The following TMOD1 variants were observed in gnomAD, a reference collection of about 807,000 sequenced individuals.
TMOD1 encodes the protein tropomodulin 1.
In TMOD1, 17 loss-of-function variants were observed where a neutral mutation model predicts 40.6. That is an observed-to-expected ratio of 0.42 (90% CI 0.29 to 0.63). TMOD1 has a LOEUF of 0.63. TMOD1 is among the 20% of genes least tolerant of loss of function. The pLI, the probability that TMOD1 is intolerant of heterozygous loss-of-function variation, is 0.22. For missense variants in TMOD1, 391 were observed against 447.6 expected, an observed-to-expected ratio of 0.87 and a Z score of 1.14; for synonymous variants, 181 against 175.0, an observed-to-expected ratio of 1.03 and a Z score of -0.27.
Position 97,591,357 on chromosome 9 carries a change from C to T in TMOD1, c.937C>T (p.Leu313Phe). Residue 313 changes from leucine to phenylalanine, a missense_variant, in exon 9 of 10, where the codon CTC becomes TTC. By Grantham distance (22) the Leu-to-Phe change is conservative. Coordinates refer to ENST00000259365, the MANE Select transcript of TMOD1 (RefSeq NM_003275.4). ...CATGTTGGAAAAAAACGCAACACTT[C>T]TCAAATTCGGCTACCACTTTACCCA... ...VSMLEKNATLLKFGYHFTQQG... is the reference protein window; with the variant it reads ...VSMLEKNATLFKFGYHFTQQG... 1 of 1,614,174 alleles carries T rather than the reference C, an allele frequency of 6.2e-7. No individual in the cohort carries two copies. Among genetic ancestry groups the T allele is most frequent in the Admixed American group, 1.7e-5 (1 of 60,014 alleles).
rs1000867391 is a variant in TMOD1, at chr9:97,566,070, G to A, written c.726+115G>A. 1.4e-5 allele frequency: 12 copies of A among 845,340 alleles called. No individual in the cohort carries two copies. The African/African-American group carries it at 2.0e-4, about 14-fold the overall frequency. 52.4% of individuals were successfully genotyped at this position (845,340 alleles called of 1,614,324 possible). ...CTAACAAAGAGCTCTATGTGGTACA[G>A]TGGAAGGCATTGGACCAGGAGCCAT... On this transcript the variant is annotated intron_variant, in intron 7 of 9. Coordinates refer to ENST00000259365, the MANE Select transcript of TMOD1 (RefSeq NM_003275.4).
intron 9 of TMOD1, 65 bp from the exon 10 acceptor site, chr9:97,599,569 G>GCAA (rs1305734123): frequency 2.5e-6 from 4 of 1,606,098 alleles, no homozygotes; most frequent in African/African-American, 1.3e-5. Flanking sequence ...TGCTTTCTCA[G>GCAA]CAACAGTGCT....
intron 4 of TMOD1, among the ~76,000 whole-genome samples, chr9:97,559,844 T>C (rs1479053699): frequency 1.1e-5 from 1 of 90,894 alleles, no homozygotes; most frequent in African/African-American, 5.4e-5. Flanking sequence ...TCTATCTATC[T>C]ATCTATCTCC....
intron 8 of TMOD1, among the ~76,000 whole-genome samples, chr9:97,579,793 G>A (rs780743450): frequency 6.6e-6 from 1 of 152,182 alleles, no homozygotes; most frequent in Non-Finnish European, 1.5e-5. Context: ...CCAGGTGTAG[G>A]GAGGGACATC....
At chr9:97,546,081 C>T (rs937455787) in intron 2 of TMOD1, 104 bp from the exon 3 acceptor site, 10 of 1,360,558 alleles carry the variant, frequency 7.3e-6, no homozygotes, top group African/African-American at 2.9e-5. Flanking sequence ...CCCTTCTGTT[C>T]GATGATGAGT....
intron 1 of TMOD1, among the ~76,000 whole-genome samples, chr9:97,503,334 C>T (rs1829535838): frequency 6.6e-6 from 1 of 152,190 alleles, no homozygotes; most frequent in African/African-American, 2.4e-5. Flanking sequence ...TGGACTTTAC[C>T]TTGTCTGGAC....
intron 2 of TMOD1, among the ~76,000 whole-genome samples, chr9:97,528,557 T>G (rs1830050925): frequency 1.3e-5 from 2 of 152,222 alleles, no homozygotes; most frequent in African/African-American, 4.8e-5. Flanking sequence ...CAAGACAGTA[T>G]GTGAGCTTCG....
chr9:97,551,457 G>A (rs773634547), intron 3 of TMOD1, among the ~76,000 whole-genome samples: 65 of 152,084 alleles, frequency 4.3e-4, no homozygotes, highest in Non-Finnish European at 6.2e-4. Context: ...TTGTTGAAGC[G>A]ATTACTCTTT....
intron 8 of TMOD1, among the ~76,000 whole-genome samples, chr9:97,574,520 C>T (rs1047900522): frequency 5.3e-5 from 8 of 152,244 alleles, no homozygotes; most frequent in African/African-American, 1.9e-4. Flanking sequence ...TGCTCCACGG[C>T]GCCCAGTCCC....
intron 4 of TMOD1, among the ~76,000 whole-genome samples, chr9:97,559,227 C>G (rs927541884): frequency 6.6e-6 from 1 of 152,186 alleles, no homozygotes; most frequent in Non-Finnish European, 1.5e-5. Flanking sequence ...TGATCTGATT[C>G]ACCTGCTGCT....
chr9:97,505,733 AC>A (rs1186686863), intron 1 of TMOD1, among the ~76,000 whole-genome samples: 3 of 151,552 alleles, frequency 2.0e-5, no homozygotes, highest in Non-Finnish European at 4.4e-5. Context: ...CTTTCTCTTC[AC>A]CACCCCATTC....
intron 4 of TMOD1, among the ~76,000 whole-genome samples, chr9:97,556,318 G>A (rs935352189): frequency 3.9e-5 from 6 of 152,162 alleles, no homozygotes; most frequent in African/African-American, 7.2e-5. Context: ...GTGCTCTGCC[G>A]AGAGCTGACT....
chr9:97,528,540 T>C (rs1830050416), intron 2 of TMOD1, among the ~76,000 whole-genome samples: 2 of 152,218 alleles, frequency 1.3e-5, no homozygotes, highest in African/African-American at 4.8e-5. Context: ...CTCTGTTACC[T>C]GATTTGCAAG....
chr9:97,546,058 T>A (rs1463343810), intron 2 of TMOD1, 127 bp from the exon 3 acceptor site: 7 of 1,126,630 alleles, frequency 6.2e-6, no homozygotes, highest in Non-Finnish European at 2.4e-6. Context: ...ATGGATTCCA[T>A]GAGCTCTGAG....
At chr9:97,544,485 G>A (rs1030260180) in intron 2 of TMOD1, among the ~76,000 whole-genome samples, 139 of 150,666 alleles carry the variant, frequency 9.2e-4, no homozygotes, top group African/African-American at 3.2e-3. Flanking sequence ...GCATTGAGCC[G>A]AGATCACACC....
At chr9:97,543,352 G>A (rs1198572605) in intron 2 of TMOD1, among the ~76,000 whole-genome samples, 3 of 152,188 alleles carry the variant, frequency 2.0e-5, no homozygotes, top group Non-Finnish European at 2.9e-5. Context: ...TACATTCCCT[G>A]TTAAACATAC....
chr9:97,555,998 G>A (rs1335503310), intron 4 of TMOD1, among the ~76,000 whole-genome samples: 1 of 152,098 alleles, frequency 6.6e-6, no homozygotes, highest in East Asian at 1.9e-4. Context: ...GACCCGGGGA[G>A]GGGGTCACAT....
intron 1 of TMOD1, among the ~76,000 whole-genome samples, chr9:97,521,731 C>T (rs1481197666): frequency 1.3e-5 from 2 of 152,136 alleles, no homozygotes; most frequent in African/African-American, 4.8e-5. Context: ...AAGGATGGCA[C>T]TGAGGTTTCT....
intron 8 of TMOD1, among the ~76,000 whole-genome samples, chr9:97,575,937 A>G (rs960828061): frequency 6.6e-6 from 1 of 152,200 alleles, no homozygotes; most frequent in African/African-American, 2.4e-5. Context: ...TTTTAATTTG[A>G]AAGCGCCTAT....
Sources: gnomAD v4.1 joint callset for allele counts (sites outside exome capture counted in the v4.1 genomes callset) on GRCh38, gnomAD v4.1.1 for gene constraint, MANE v1.5 for transcripts, NCBI Gene and HGNC (gene_info 2026-07-23, HGNC 2026-07-21) for gene names.